The following ZNF354A variants were observed in gnomAD, a reference collection of about 807,000 sequenced individuals.
The protein encoded by ZNF354A is zinc finger protein 354A.
A neutral mutation model predicts 53.3 loss-of-function variants in ZNF354A; 25 were observed. The observed-to-expected ratio is 0.47, with a 90% CI of 0.34 to 0.66. The LOEUF is 0.66. Ranked by LOEUF, ZNF354A falls within the 30% of genes least tolerant of loss-of-function variation. The pLI, the probability that ZNF354A is intolerant of heterozygous loss-of-function variation, is 0.01. For missense variants in ZNF354A, 586 were observed against 716.8 expected (o/e 0.82, Z 2.08); for synonymous variants, 228 against 249.0 (o/e 0.92, Z 0.79).
intron 4 of ZNF354A, among the ~76,000 whole-genome samples, chr5:178,720,298 G>C (rs1765789133): frequency 6.6e-6 from 1 of 152,226 alleles, no homozygotes; most frequent in African/African-American, 2.4e-5. Flanking sequence ...AGACGTAGAA[G>C]TCCTAACTTC....
In ZNF354A at chr5:178,712,388, T is replaced by C. The variant is rs1383121574; in HGVS notation, c.1490A>G (p.Asn497Ser). The change falls in exon 5 of 5, where the codon AAC (asparagine) becomes AGC (serine). Residue 497 changes from asparagine (N) to serine (S), a missense_variant. Physicochemically the swap from Asn to Ser is conservative, Grantham distance 46 (BLOSUM62 1). Around this residue, in one of 2 missense-constraint regions of ZNF354A, gnomAD observed 573 missense variants for 680.1 expected, o/e 0.84. Transcript: ENST00000335815. ...ACACCTGAATGTTTTCCCACACTCG[T>C]TACATTTATAGGGTCTTTCTCCAGT... The part of the protein sequence containing the change: ...MHTGERPYKC[N>S]ECGKTFRCNS... 6.2e-7 allele frequency: 1 copy of C among 1,613,782 alleles called. No homozygotes were observed. The highest frequency in any genetic ancestry group is 1.7e-5 in the Admixed American group (1 of 60,016).
rs1765642985 is a variant in ZNF354A at position 178,712,694 on chromosome 5, G to A, written c.1184C>T (p.Ala395Val). 1.2e-6 allele frequency: 2 copies of A among 1,613,680 alleles called. No homozygotes were observed. The highest frequency in any genetic ancestry group is 1.7e-6 in the Non-Finnish European group (2 of 1,179,658). Residue 395 changes from alanine (A) to valine (V), a missense_variant, in exon 5 of 5, where the codon GCC becomes GTC. Around this residue, in one of 2 missense-constraint regions of ZNF354A, gnomAD observed 573 missense variants for 680.1 expected, o/e 0.84. Transcript: ENST00000335815. The stretch of plus-strand genomic sequence containing the variant: ...AATTCTTTCATGTTGAATAAGAGAG[G>A]CACTCTGGCTGAAGGCTCTCCCACA... ...SECGRAFSQS[A>V]SLIQHERIHT...
intron 4 of ZNF354A, 128 bp from the exon 5 acceptor site, chr5:178,713,749 ATTGC>A: frequency 8.2e-7 from 1 of 1,221,950 alleles, no homozygotes; most frequent in Non-Finnish European, 1.1e-6. Flanking sequence ...TATGAAAAAA[ATTGC>A]AAAAAGAAAA....
intron 3 of ZNF354A, 100 bp downstream of exon 3, chr5:178,726,899 C>T: frequency 6.7e-7 from 1 of 1,496,762 alleles, no homozygotes; most frequent in Non-Finnish European, 9.0e-7. Context: ...CTCACACACT[C>T]AGCTCAAATT....
intron 2 of ZNF354A, among the ~76,000 whole-genome samples, chr5:178,728,043 G>C (rs1251513780): frequency 6.6e-6 from 1 of 152,100 alleles, no homozygotes; most frequent in African/African-American, 2.4e-5. Context: ...TAGAGACAGG[G>C]TTCCACCATG....
In ZNF354A at chr5:178,713,171, T is replaced by C. The variant is rs774271641; in HGVS notation, c.707A>G (p.His236Arg). 4 of 1,614,046 alleles carry C rather than the reference T, an allele frequency of 2.5e-6. No individual in the cohort carries two copies. The highest frequency in any genetic ancestry group is 1.3e-5 in the African/African-American group (1 of 74,944). ...TSSLRKHEKN[H>R]SGEKLFKCKE... ...ACACTTAAATAGTTTCTCTCCACTA[T>C]GGTTTTTCTCATGTTTACGAAGGGA... Residue 236 changes from histidine to arginine, a missense_variant, in exon 5 of 5, where the codon CAT becomes CGT. By Grantham distance (29) the His-to-Arg change is conservative. Around this residue, in one of 2 missense-constraint regions of ZNF354A, gnomAD observed 573 missense variants for 680.1 expected, o/e 0.84. Coordinates refer to ENST00000335815, the MANE Select transcript of ZNF354A (RefSeq NM_005649.3).
chr5:178,724,823 C>T (rs772046034), intron 4 of ZNF354A, among the ~76,000 whole-genome samples: 5 of 152,204 alleles, frequency 3.3e-5, no homozygotes, highest in South Asian at 4.1e-4. Flanking sequence ...GCTCTGTCCA[C>T]GTCCCTGGAC....
chr5:178,712,386 C>T lies in ZNF354A; in HGVS notation c.1492G>A (p.Glu498Lys), dbSNP rs980543353. 6.2e-6 allele frequency: 10 copies of T among 1,613,732 alleles called. No individual in the cohort carries two copies. The highest frequency in any genetic ancestry group is 2.7e-5 in the African/African-American group (2 of 75,020). ...TTACACCTGAATGTTTTCCCACACT[C>T]GTTACATTTATAGGGTCTTTCTCCA... ...HTGERPYKCNECGKTFRCNSS... is the reference protein window; with the variant it reads ...HTGERPYKCNKCGKTFRCNSS... The change falls in exon 5 of 5, where the codon GAG becomes AAG. Residue 498 changes from glutamate to lysine, a missense_variant. Around this residue, in one of 2 missense-constraint regions of ZNF354A, gnomAD observed 573 missense variants for 680.1 expected, o/e 0.84. Transcript: ENST00000335815.
intron 3 of ZNF354A, chr5:178,726,138 G>T: frequency 2.3e-6 from 1 of 441,206 alleles, no homozygotes; most frequent in Non-Finnish European, 4.6e-6. Flanking sequence ...CACCGCGCCC[G>T]GCCTATGTGA....
intron 4 of ZNF354A, among the ~76,000 whole-genome samples, chr5:178,718,640 TTCAAAATGACACCA>T (rs1198317149): frequency 6.6e-6 from 1 of 152,222 alleles, no homozygotes; most frequent in Admixed American, 6.5e-5. Context: ...TGTTTTCCAG[TTCAAAATGACACCA>T]TCATCTCTTC....
chr5:178,729,172 G>GC, intron 1 of ZNF354A, 99 bp from the exon 2 acceptor site: 1 of 563,458 alleles, frequency 1.8e-6, no homozygotes, highest in South Asian at 2.0e-5. Context: ...GACCCCGCGC[G>GC]CCCTCACAGG....
intron 4 of ZNF354A, among the ~76,000 whole-genome samples, chr5:178,722,968 A>G (rs1765838497): frequency 2.0e-5 from 3 of 152,138 alleles, no homozygotes; most frequent in South Asian, 2.1e-4. Context: ...TCCCAGACAG[A>G]AAAAGCAGGG....
intron 1 of ZNF354A, among the ~76,000 whole-genome samples, chr5:178,730,133 G>A (rs1040522692): frequency 2.7e-5 from 4 of 150,162 alleles, no homozygotes; most frequent in African/African-American, 9.8e-5. Flanking sequence ...CCAAAGTGCT[G>A]GGATTACAGG....
rs747022963 is a variant in ZNF354A, at chr5:178,712,962, A to C, written c.916T>G (p.Ser306Ala). ...KSYRCKECGK[S>A]FSRRSGLFIH... is the part of the protein sequence containing the mutation. ...AAAAGGCCTGACCTTCGGCTGAAGG[A>C]TTTACCACATTCTTTACATCTGTAG... Residue 306 changes from serine to alanine, a missense_variant, in exon 5 of 5, where the codon TCC becomes GCC. By Grantham distance (99) the Ser-to-Ala change is moderately conservative. Transcript: ENST00000335815. 1.9e-6 allele frequency: 3 copies of C among 1,614,022 alleles called. No individual in the cohort carries two copies. The East Asian group carries it at 6.7e-5, about 36-fold the overall frequency.
Position 178,720,996 on chromosome 5 carries a change from T to G in ZNF354A, c.256+4380A>C, listed in dbSNP as rs150756127. Among the ~76,000 whole-genome samples, 203 of 152,322 alleles carry G rather than the reference T, an allele frequency of 1.3e-3. 1 individual carries two copies. The highest frequency in any genetic ancestry group is 4.5e-3 in the African/African-American group (186 of 41,566). ...CAATATGTAGGGGGTACTTTCTCAT[T>G]TTTGTTTAATTTTGTCTTATAATTT... On this transcript the variant is annotated intron_variant, in intron 4 of 4. Transcript: ENST00000335815.
chr5:178,725,584 A>AG (rs1765890753), intron 3 of ZNF354A, 113 bp from the exon 4 acceptor site: 2 of 1,120,918 alleles, frequency 1.8e-6, no homozygotes, highest in Admixed American at 4.6e-5. Context: ...GCTTCTGTGT[A>AG]GGGCTTCAGT....
chr5:178,728,775 C>T (rs1438132901), intron 2 of ZNF354A, among the ~76,000 whole-genome samples: 129 of 64,972 alleles, frequency 2.0e-3, no homozygotes, highest in African/African-American at 0.012. Context: ...GGCGACAAAG[C>T]GAGATTCAAA....
In ZNF354A at chr5:178,713,367, T is replaced by G; in HGVS notation, c.511A>C (p.Lys171Gln). The G allele has an allele frequency of 6.2e-7, 1 of 1,614,156 alleles. No homozygotes were observed. Among genetic ancestry groups the G allele is most frequent in the Non-Finnish European group, 8.5e-7 (1 of 1,180,022 alleles). Residue 171 changes from lysine (K) to glutamine (Q), a missense_variant, in exon 5 of 5, where the codon AAG (lysine) becomes CAG (glutamine). Physicochemically the swap from Lys to Gln is moderately conservative, Grantham distance 53. Coordinates refer to ENST00000335815, the MANE Select transcript of ZNF354A (RefSeq NM_005649.3). Reference sequence around the variant, plus strand: ...ATCTGTTGCCTAATAAGCACTGACTTTGGGCTGAAGTTTTGGCTCAATTCA... The same window carrying G: ...ATCTGTTGCCTAATAAGCACTGACTGTGGGCTGAAGTTTTGGCTCAATTCA... ...NTELSQNFSPKSVLIRQQILP... is the reference protein window; with the variant it reads ...NTELSQNFSPQSVLIRQQILP...
At chr5:178,723,130 A>G in intron 4 of ZNF354A, among the ~76,000 whole-genome samples, 1 of 152,216 alleles carries the variant, frequency 6.6e-6, no homozygotes, top group East Asian at 1.9e-4. Context: ...TTTCTCCCAA[A>G]GGAGAGTTAA....
Sources: gnomAD v4.1 joint callset for allele counts (sites outside exome capture counted in the v4.1 genomes callset) on GRCh38, gnomAD v4.1.1 for gene constraint, gnomAD v4.1.1 regional missense constraint, MANE v1.5 for transcripts, NCBI Gene and HGNC (gene_info 2026-07-23, HGNC 2026-07-21) for gene names.